The following SHANK2 variants were observed in gnomAD, a reference collection of about 807,000 sequenced individuals.
The protein encoded by SHANK2 is SH3 and multiple ankyrin repeat domains protein 2.
In SHANK2, 43 loss-of-function variants were observed where a neutral mutation model predicts 133.7. That is an observed-to-expected ratio of 0.32 (90% confidence interval 0.25 to 0.41). SHANK2 has a LOEUF of 0.41. SHANK2 is among the 10% of genes least tolerant of loss of function. The pLI is 1.00. For missense variants in SHANK2, 1,994 were observed against 2,235.8 expected (o/e 0.89, Z 2.18); for synonymous variants, 1,017 against 952.8 (o/e 1.07, Z -1.24).
chr11:71,061,087 G>T (rs1019596220), intron 9 of SHANK2, among the ~76,000 whole-genome samples: 3 of 152,270 alleles, frequency 2.0e-5, no homozygotes, highest in African/African-American at 7.2e-5. Context: ...CAGTTCTGCT[G>T]TGCCCAGGGT....
intron 10 of SHANK2, chr11:70,933,370 G>A (rs1488531498): frequency 1.5e-5 from 7 of 452,940 alleles, no homozygotes; most frequent in Non-Finnish European, 3.1e-5. Context: ...GGGGGAGGAG[G>A]GAACAAAGAG....
chr11:71,177,741 T>C (rs961890534), intron 2 of SHANK2, among the ~76,000 whole-genome samples: 5 of 152,096 alleles, frequency 3.3e-5, no homozygotes, highest in Non-Finnish European at 5.9e-5. Context: ...AATAAGCCAA[T>C]TCAAAAATAG....
chr11:70,702,608 T>C (rs567335041), intron 14 of SHANK2, among the ~76,000 whole-genome samples: 1 of 152,342 alleles, frequency 6.6e-6, no homozygotes, highest in East Asian at 1.9e-4. Flanking sequence ...ATCATTGCCA[T>C]TATCACTGTA....
intron 11 of SHANK2, among the ~76,000 whole-genome samples, chr11:70,879,841 G>A (rs1485130134): frequency 6.6e-6 from 1 of 152,210 alleles, no homozygotes; most frequent in African/African-American, 2.4e-5. Flanking sequence ...GGCCTGGAGA[G>A]CCAGGGACTC....
At chr11:71,057,603 G>T (rs1950935491) in intron 9 of SHANK2, among the ~76,000 whole-genome samples, 1 of 152,158 alleles carries the variant, frequency 6.6e-6, no homozygotes, top group South Asian at 2.1e-4. Context: ...AGGCTAGAGT[G>T]CAGTGGTGCA....
intron 1 of SHANK2, among the ~76,000 whole-genome samples, chr11:71,229,266 A>G (rs534320940): frequency 5.4e-4 from 83 of 152,350 alleles, no homozygotes; most frequent in African/African-American, 2.0e-3. Flanking sequence ...CAAAGATTGG[A>G]AAAGAAGGAA....
chr11:70,879,020 TTC>T (rs1433973403), intron 11 of SHANK2, among the ~76,000 whole-genome samples: 3 of 152,166 alleles, frequency 2.0e-5, no homozygotes, highest in Non-Finnish European at 4.4e-5. Flanking sequence ...GCTACGTATC[TTC>T]CTGAAGCTGC....
chr11:70,925,784 T>C (rs1333734267), intron 10 of SHANK2, among the ~76,000 whole-genome samples: 1 of 152,120 alleles, frequency 6.6e-6, no homozygotes, highest in Non-Finnish European at 1.5e-5. Flanking sequence ...ATTATTCTCA[T>C]GGTCTGCGGT....
chr11:70,771,027 C>T lies in SHANK2; in HGVS notation c.1777+27416G>A, dbSNP rs1486866394. Among the ~76,000 whole-genome samples, 3 of 147,686 alleles carry T rather than the reference C, an allele frequency of 2.0e-5. No homozygotes were observed. The Admixed American group carries it at 2.1e-4, about 10-fold the overall frequency. On this transcript the variant is annotated intron_variant, in intron 14 of 25. Transcript: ENST00000601538. The stretch of plus-strand genomic sequence containing the variant: ...GCAACCTCCGCCTCCCAGGCTCAAG[C>T]GATACACCCACCTCAGCCTCCTGAG...
chr11:71,200,568 T>G (rs1391608459), intron 2 of SHANK2, among the ~76,000 whole-genome samples: 1 of 152,132 alleles, frequency 6.6e-6, no homozygotes, highest in African/African-American at 2.4e-5. Flanking sequence ...ACTCTACATT[T>G]GACTTCACTC....
rs1555058094 is a variant in SHANK2, at chr11:70,830,419, T to C, written c.1175-9737A>G. Reference sequence around the variant, plus strand: ...GACGAGCTCACCCCTGAGCCCCAGGTAGATGGTTCGCATTCTCCTGCCATC... The same window carrying C: ...GACGAGCTCACCCCTGAGCCCCAGGCAGATGGTTCGCATTCTCCTGCCATC... On this transcript the variant is annotated intron_variant, in intron 11 of 25. Transcript: ENST00000601538. This position sits in a 1 kb window ranked among gnomAD's most constrained non-coding sequence, Gnocchi z 4.4. Among the ~76,000 whole-genome samples the C allele has an allele frequency of 6.6e-6, 1 of 152,102 alleles. No individual in the cohort carries two copies. The highest frequency in any genetic ancestry group is 1.5e-5 in the Non-Finnish European group (1 of 68,016).
chr11:71,119,041 A>G lies in SHANK2; in HGVS notation c.208-9T>C. On this transcript the variant is annotated splice_polypyrimidine_tract_variant and intron_variant, in intron 3 of 25. Coordinates refer to ENST00000601538, the MANE Select transcript of SHANK2 (RefSeq NM_012309.5). ...TTAAATCGAATGCATTTCTGCCAGGAAGGACAAAGACAGCTGATGAGTGAC... is the reference window on the plus strand; with the variant it reads ...TTAAATCGAATGCATTTCTGCCAGGGAGGACAAAGACAGCTGATGAGTGAC... 6.4e-7 allele frequency: 1 copy of G among 1,551,420 alleles called. No homozygotes were observed. The highest frequency in any genetic ancestry group is 1.2e-5 in the South Asian group (1 of 84,020).
chr11:71,167,476 C>G (rs1555111179), intron 2 of SHANK2, among the ~76,000 whole-genome samples: 1 of 146,168 alleles, frequency 6.8e-6, no homozygotes, highest in African/African-American at 2.6e-5. Flanking sequence ...TCCTCACTTC[C>G]CAGTAGGGGC....
intron 15 of SHANK2, among the ~76,000 whole-genome samples, chr11:70,666,613 C>T (rs1366866526): frequency 6.6e-6 from 1 of 152,160 alleles, no homozygotes; most frequent in Non-Finnish European, 1.5e-5. Context: ...CCTGCCCTGC[C>T]CCTGCACCAG....
At chr11:70,662,075 C>T (rs1367536644) in intron 15 of SHANK2, 1 of 477,488 alleles carries the variant, frequency 2.1e-6, no homozygotes, top group South Asian at 2.0e-5. Flanking sequence ...GCAGCGGCGG[C>T]GTCGGGAATG....
intron 12 of SHANK2, 127 bp downstream of exon 12, chr11:70,820,237 G>T (rs1283410058): frequency 1.8e-6 from 1 of 569,662 alleles, no homozygotes; most frequent in Non-Finnish European, 3.1e-6. Context: ...AGGCATGAAA[G>T]TTTCCTCAAC....
chr11:70,686,233 C>CCAT (rs1565241107), intron 15 of SHANK2, among the ~76,000 whole-genome samples: 1 of 69,008 alleles, frequency 1.4e-5, no homozygotes, highest in Admixed American at 1.6e-4. Flanking sequence ...CATCCATCCA[C>CCAT]CCACCCACCC....
intron 17 of SHANK2, among the ~76,000 whole-genome samples, chr11:70,606,081 T>C (rs1037281358): frequency 2.0e-5 from 3 of 152,174 alleles, no homozygotes; most frequent in Non-Finnish European, 4.4e-5. Flanking sequence ...AGTGCTCTGC[T>C]GCCAGGAAGT....
chr11:70,674,426 G>A (rs1944870907), intron 15 of SHANK2, among the ~76,000 whole-genome samples: 3 of 151,684 alleles, frequency 2.0e-5, no homozygotes, highest in South Asian at 2.1e-4. Flanking sequence ...TTGGCTCACT[G>A]CAACCTCCAA....
Sources: allele counts gnomAD v4.1 joint callset (sites outside exome capture counted in the v4.1 genomes callset), GRCh38; gene constraint gnomAD v4.1.1; non-coding constraint Gnocchi (gnomAD v3.1); transcripts MANE v1.5; gene names NCBI Gene and HGNC (gene_info 2026-07-23, HGNC 2026-07-21).